PRKAR1B: variants seen among roughly 807,000 people sequenced by gnomAD.
PRKAR1B encodes cAMP-dependent protein kinase type I-beta regulatory subunit.
In PRKAR1B, 22 loss-of-function variants were observed where a neutral mutation model predicts 46.5. That is an observed-to-expected ratio of 0.47 (90% CI 0.34 to 0.68). The LOEUF (loss-of-function observed/expected upper bound fraction) is 0.68, where lower values mean the gene tolerates loss of function less well. Ranked by LOEUF, PRKAR1B falls within the 30% of genes least tolerant of loss-of-function variation. PRKAR1B has a pLI of 0.01. For synonymous variants in PRKAR1B, 259 were observed against 217.7 expected, an observed-to-expected ratio of 1.19 and a Z score of -1.67; for missense variants, 445 against 535.6, an observed-to-expected ratio of 0.83 and a Z score of 1.67.
intron 1 of PRKAR1B, among the ~76,000 whole-genome samples, chr7:713,376 C>T (rs967625927): frequency 5.3e-5 from 8 of 151,982 alleles, no homozygotes; most frequent in Admixed American, 1.3e-4. Context: ...CCCCCGGGTC[C>T]TGCACTCACC....
intron 2 of PRKAR1B, among the ~76,000 whole-genome samples, chr7:682,669 C>T (rs966292894): frequency 1.3e-5 from 2 of 151,242 alleles, no homozygotes; most frequent in Non-Finnish European, 2.9e-5. Context: ...GGCGTGAACC[C>T]GGGAGTGAGC....
At chr7:588,734 A>G (rs1458236893) in intron 7 of PRKAR1B, among the ~76,000 whole-genome samples, 2 of 28,538 alleles carry the variant, frequency 7.0e-5, no homozygotes, top group Non-Finnish European at 6.9e-5. Flanking sequence ...TGGTGAGGAT[A>G]GTGACAGTGG....
intron 4 of PRKAR1B, among the ~76,000 whole-genome samples, chr7:674,703 C>A: frequency 6.6e-6 from 1 of 152,214 alleles, no homozygotes; most frequent in South Asian, 2.1e-4. Flanking sequence ...CTAACTCTCT[C>A]CATGCCTAGC....
chr7:551,487 A>G lies in PRKAR1B; in HGVS notation c.892-17T>C, dbSNP rs906062273. ...CGCGGTGCCCTGTGGGTGGAGGTGG[A>G]CAGACGTGAGTGCCAGCCAGGCGGG... On this transcript the variant is annotated splice_polypyrimidine_tract_variant and intron_variant, in intron 9 of 10. Transcript: ENST00000537384. 21 of 1,550,304 alleles carry G rather than the reference A, an allele frequency of 1.4e-5. No individual in the cohort carries two copies. The highest frequency in any genetic ancestry group is 4.1e-5 in the African/African-American group (3 of 73,268).
chr7:589,874 A>G (rs1437686695), intron 7 of PRKAR1B, among the ~76,000 whole-genome samples: 1 of 152,202 alleles, frequency 6.6e-6, no homozygotes, highest in African/African-American at 2.4e-5. Context: ...GCTGCCCGGG[A>G]CAGAGAGAGG....
In PRKAR1B at chr7:569,009, A is replaced by AT. The variant is rs544203926; in HGVS notation, c.891+10246dup. 6.8e-3 allele frequency among the ~76,000 whole-genome samples: 884 copies of AT among 130,744 alleles called. 7 individuals carry two copies. Among genetic ancestry groups the AT allele is most frequent in the East Asian group, 0.031 (142 of 4,598 alleles). The allele number at this position is 130,744 out of a possible 152,430, so 85.8% of individuals were successfully genotyped here. A position where few individuals can be genotyped will look rare whatever the true frequency, so the allele number is the denominator to read the frequency against. On this transcript the variant is annotated intron_variant, in intron 9 of 10. Coordinates refer to ENST00000537384, the MANE Select transcript of PRKAR1B (RefSeq NM_001164760.2). ...GAAGATGGTGCTTTTTAGAGTTGTT[A>AT]TTTTTTTTTTTTTGGTGGGGGAGAG...
At chr7:632,871 C>G (rs938245341) in intron 4 of PRKAR1B, among the ~76,000 whole-genome samples, 1 of 151,998 alleles carries the variant, frequency 6.6e-6, no homozygotes, top group Admixed American at 6.6e-5. Context: ...AAGGAGCCCC[C>G]GACGGCCGGC....
At chr7:609,429 C>A (rs899862374) in intron 4 of PRKAR1B, among the ~76,000 whole-genome samples, 8 of 152,188 alleles carry the variant, frequency 5.3e-5, no homozygotes, top group Non-Finnish European at 8.8e-5. Flanking sequence ...GCTGCCTCCA[C>A]CACTCTCTCC....
chr7:618,985 A>G (rs1782975502), intron 4 of PRKAR1B, among the ~76,000 whole-genome samples: 1 of 152,178 alleles, frequency 6.6e-6, no homozygotes, highest in African/African-American at 2.4e-5. Context: ...CCAAGTAATG[A>G]AATACTCTCC....
intron 9 of PRKAR1B, among the ~76,000 whole-genome samples, chr7:564,276 G>A (rs965521018): frequency 3.3e-5 from 5 of 152,158 alleles, no homozygotes; most frequent in Non-Finnish European, 7.4e-5. Flanking sequence ...GACACAGGCC[G>A]CCGCCCCCAG....
intron 4 of PRKAR1B, among the ~76,000 whole-genome samples, chr7:630,443 C>G (rs117333458): frequency 1.4e-4 from 21 of 152,344 alleles, no homozygotes; most frequent in Non-Finnish European, 2.1e-4. Flanking sequence ...GGTGCAAGGT[C>G]AGCCTGCATC....
At chr7:722,829 G>T (rs568606062) in intron 1 of PRKAR1B, among the ~76,000 whole-genome samples, 1 of 152,312 alleles carries the variant, frequency 6.6e-6, no homozygotes, top group African/African-American at 2.4e-5. Flanking sequence ...TTTGGGTTAC[G>T]ATGTTTGCAG....
chr7:660,501 A>C (rs1370836265), intron 4 of PRKAR1B, among the ~76,000 whole-genome samples: 1 of 81,064 alleles, frequency 1.2e-5, no homozygotes, highest in Admixed American at 1.5e-4. Context: ...ACCCCAACAG[A>C]TCCAAATACC....
intron 7 of PRKAR1B, among the ~76,000 whole-genome samples, chr7:587,598 A>G (rs1780670619): frequency 6.6e-6 from 1 of 152,254 alleles, no homozygotes; most frequent in Non-Finnish European, 1.5e-5. Context: ...GAGCACACCA[A>G]AGGTGGCCCC....
In PRKAR1B at chr7:714,563, C is replaced by T. The variant is rs901001903; in HGVS notation, c.-22-3036G>A. 4.6e-5 allele frequency among the ~76,000 whole-genome samples: 7 copies of T among 152,218 alleles called. No homozygotes were observed. Among genetic ancestry groups the T allele is most frequent in the Non-Finnish European group, 8.8e-5 (6 of 68,036 alleles). ...CCTCTCTCTTTCACACTTTTCCCCG[C>T]CACTCAGATCCCTGTTCCAGTGGCC... On this transcript the variant is annotated intron_variant, in intron 1 of 10. Coordinates refer to ENST00000537384, the MANE Select transcript of PRKAR1B (RefSeq NM_001164760.2). The surrounding 1 kb of genome is among the most constrained non-coding windows in gnomAD (Gnocchi z 4.3).
At chr7:647,428 C>T (rs965083063) in intron 4 of PRKAR1B, among the ~76,000 whole-genome samples, 1 of 152,034 alleles carries the variant, frequency 6.6e-6, no homozygotes, top group Non-Finnish European at 1.5e-5. Flanking sequence ...ATCCCAACAC[C>T]CCCCAGCAGC....
chr7:563,914 G>A (rs1419504320), intron 9 of PRKAR1B, among the ~76,000 whole-genome samples: 2 of 152,092 alleles, frequency 1.3e-5, no homozygotes, highest in Non-Finnish European at 2.9e-5. Flanking sequence ...CGTGTGCATG[G>A]GTGAGTATGT....
At chr7:707,791 C>T (rs545297111) in intron 2 of PRKAR1B, among the ~76,000 whole-genome samples, 60 of 152,350 alleles carry the variant, frequency 3.9e-4, no homozygotes, top group Non-Finnish European at 7.8e-4. Flanking sequence ...TCGCCAGCAC[C>T]ACCCGGAGCT....
At chr7:601,585 G>A (rs1391123088) in intron 6 of PRKAR1B, among the ~76,000 whole-genome samples, 2 of 152,228 alleles carry the variant, frequency 1.3e-5, no homozygotes, top group Admixed American at 1.3e-4. Context: ...CACATCACAG[G>A]AGGGCCCCTG....
Sources: gnomAD v4.1 joint callset for allele counts (sites outside exome capture counted in the v4.1 genomes callset) on GRCh38, gnomAD v4.1.1 for gene constraint, Gnocchi (gnomAD v3.1) non-coding constraint, MANE v1.5 for transcripts, NCBI Gene and HGNC (gene_info 2026-07-23, HGNC 2026-07-21) for gene names.